CEP290: variants seen among roughly 807,000 people sequenced by gnomAD.
The protein encoded by CEP290 is centrosomal protein 290.
CEP290 carries 317 observed loss-of-function variants against 344.9 expected under a neutral mutation model. The observed-to-expected ratio is 0.92, with a 90% CI of 0.84 to 1.01. CEP290 has a LOEUF of 1.01. CEP290 is among the 50% of genes least tolerant of loss of function. The pLI is 0.00. For synonymous variants in CEP290, 932 were observed against 895.8 expected, an observed-to-expected ratio of 1.04 and a Z score of -0.72; for missense variants, 2,754 against 2,761.4, an observed-to-expected ratio of 1.00 and a Z score of 0.06.
intron 36 of CEP290, 80 bp from the exon 37 acceptor site, chr12:88,083,310 A>C: frequency 1.4e-6 from 1 of 734,614 alleles, no homozygotes; most frequent in Non-Finnish European, 2.0e-6. Flanking sequence ...TTGGTTCCTC[A>C]AATGATCAAA....
chr12:88,111,061 GA>G, intron 22 of CEP290, 140 bp downstream of exon 22: 1 of 442,306 alleles, frequency 2.3e-6, no homozygotes, highest in Non-Finnish European at 3.9e-6. Context: ...TAAATATTGA[GA>G]AAAGTACTAT....
intron 34 of CEP290, among the ~76,000 whole-genome samples, chr12:88,085,274 C>G (rs1417522313): frequency 6.6e-6 from 1 of 151,894 alleles, no homozygotes; most frequent in Non-Finnish European, 1.5e-5. Flanking sequence ...AGAGGCCCAA[C>G]TCAATAAATT....
chr12:88,084,794 T>C lies in CEP290; in HGVS notation c.4496A>G (p.Asp1499Gly). ...RLAEQNILSR[D>G]KVINELRLRL... ...AAGCCTCAGTTCATTGATTACTTTGTCTCTTGACAGTATATTTTGTTCTGC... is the reference window on the plus strand; with the variant it reads ...AAGCCTCAGTTCATTGATTACTTTGCCTCTTGACAGTATATTTTGTTCTGC... Residue 1499 changes from aspartate to glycine, a missense_variant, in exon 35 of 54, where the codon GAC becomes GGC. Coordinates refer to ENST00000552810, the MANE Select transcript of CEP290 (RefSeq NM_025114.4). 2 of 1,612,140 alleles carry C rather than the reference T, an allele frequency of 1.2e-6. No individual in the cohort carries two copies. The highest frequency in any genetic ancestry group is 1.7e-6 in the Non-Finnish European group (2 of 1,179,136).
In CEP290 at chr12:88,121,151, G is replaced by C. The variant is rs2137920983; in HGVS notation, c.1205C>G (p.Ser402Cys). 6.2e-7 allele frequency: 1 copy of C among 1,612,354 alleles called. No homozygotes were observed. The highest frequency in any genetic ancestry group is 1.7e-4 in the Middle Eastern group (1 of 6,058). Residue 402 changes from serine (S) to cysteine (C), a missense_variant, in exon 14 of 54, where the codon TCT (serine) becomes TGT (cysteine). Physicochemically the swap from Ser to Cys is moderately radical, Grantham distance 112 (BLOSUM62 -1). Transcript: ENST00000552810. ...LQRNKGASTLSQQTHMKIQST... is the reference protein window; with the variant it reads ...LQRNKGASTLCQQTHMKIQST... The stretch of plus-strand genomic sequence containing the variant: ...CTGAATTTTCATATGAGTCTGTTGA[G>C]AAAGGGTTGAAGCACCTACAGAGTA...
Position 88,077,266 on chromosome 12 carries a change from C to G in CEP290, c.5665G>C (p.Glu1889Gln), listed in dbSNP as rs186330724. 13 of 1,605,774 alleles carry G rather than the reference C, an allele frequency of 8.1e-6. No individual in the cohort carries two copies. The Admixed American group carries it at 2.2e-4, about 27-fold the overall frequency. Residue 1889 changes from glutamate to glutamine, a missense_variant, in exon 41 of 54, where the codon GAG becomes CAG. Physicochemically the swap from Glu to Gln is conservative, Grantham distance 29. Transcript: ENST00000552810. ...AGGTCTACTTCCTCCACCTTTCCCT[C>G]TAATTGGTTCTCTAGTTTTTTAACT... ...RKVKKLENQL[E>Q]GKVEEVDLKP...
In CEP290 at chr12:88,083,230, C is replaced by T; in HGVS notation, c.4813G>A (p.Asp1605Asn). The T allele has an allele frequency of 3.5e-6, 5 of 1,447,124 alleles. No homozygotes were observed. Among genetic ancestry groups the T allele is most frequent in the Non-Finnish European group, 4.6e-6 (5 of 1,098,824 alleles). The allele number at this position is 1,447,124 out of a possible 1,614,324, so 89.6% of individuals were successfully genotyped here. The stretch of plus-strand genomic sequence containing the variant: ...GGAGTGGGAGACTGTTTCATTAAAT[C>T]CTATAAAATATGAATATATTAGCAA... ...SLNKFKQTAW[D>N]LMKQSPTPVP... Residue 1605 changes from aspartate to asparagine, a missense_variant and splice_region_variant, in exon 37 of 54, where the codon GAT (aspartate) becomes AAT (asparagine). Coordinates refer to ENST00000552810, the MANE Select transcript of CEP290 (RefSeq NM_025114.4).
At chr12:88,108,616 A>G (rs984973620) in intron 23 of CEP290, among the ~76,000 whole-genome samples, 3 of 152,244 alleles carry the variant, frequency 2.0e-5, no homozygotes, top group African/African-American at 7.2e-5. Flanking sequence ...ATAAACATAT[A>G]TGAACAATGA....
intron 29 of CEP290, among the ~76,000 whole-genome samples, chr12:88,092,476 T>A (rs1164128141): frequency 6.6e-6 from 1 of 152,168 alleles, no homozygotes; most frequent in Non-Finnish European, 1.5e-5. Context: ...TCTTGAGAGG[T>A]CACTTCCTCT....
At chr12:88,069,068 A>ATT (rs2035167634) in intron 43 of CEP290, among the ~76,000 whole-genome samples, 2 of 152,178 alleles carry the variant, frequency 1.3e-5, no homozygotes, top group Non-Finnish European at 2.9e-5. Context: ...TCAGATAATA[A>ATT]TTTAACACTT....
chr12:88,071,409 T>G lies in CEP290; in HGVS notation c.5896A>C (p.Thr1966Pro). Residue 1966 changes from threonine (T) to proline (P), a missense_variant, in exon 43 of 54, where the codon ACA (threonine) becomes CCA (proline). Transcript: ENST00000552810. ...EKLTLQRKLK[T>P]TGMTVDQVLG... is the part of the protein sequence containing the mutation. ...ACCTGATCAACAGTCATGCCAGTTG[T>G]TTTTAGTTTCCTCTGCAAAGTAAGT... 1 of 1,611,078 alleles carries G rather than the reference T, an allele frequency of 6.2e-7. No individual in the cohort carries two copies. Among genetic ancestry groups the G allele is most frequent in the Non-Finnish European group, 8.5e-7 (1 of 1,178,790 alleles).
chr12:88,067,267 G>A (rs1018140726), intron 44 of CEP290, among the ~76,000 whole-genome samples: 1 of 150,818 alleles, frequency 6.6e-6, no homozygotes, highest in Non-Finnish European at 1.5e-5. Context: ...ATTTTTGTAG[G>A]AACTAATCAA....
At chr12:88,133,360 T>C (rs2040189688) in intron 6 of CEP290, among the ~76,000 whole-genome samples, 1 of 152,184 alleles carries the variant, frequency 6.6e-6, no homozygotes, top group Admixed American at 6.5e-5. Flanking sequence ...GTGCTGGGAC[T>C]GTAGGCATGA....
At chr12:88,067,084 C>T (rs1007582332) in intron 44 of CEP290, among the ~76,000 whole-genome samples, 7 of 152,028 alleles carry the variant, frequency 4.6e-5, no homozygotes, top group Non-Finnish European at 1.0e-4. Context: ...TGATATAATT[C>T]GCTGTAGTGA....
chr12:88,110,782 G>A (rs1421752200), intron 22 of CEP290, among the ~76,000 whole-genome samples: 1 of 152,116 alleles, frequency 6.6e-6, no homozygotes. Context: ...AGCCTTGACA[G>A]ACTTTATTCT....
At chr12:88,085,640 T>A (rs1296209869) in intron 34 of CEP290, among the ~76,000 whole-genome samples, 1 of 152,150 alleles carries the variant, frequency 6.6e-6, no homozygotes, top group East Asian at 1.9e-4. Flanking sequence ...AAGTAATTTC[T>A]AATTTACCTT....
intron 44 of CEP290, among the ~76,000 whole-genome samples, chr12:88,066,874 C>T (rs944743761): frequency 1.3e-5 from 2 of 152,080 alleles, no homozygotes; most frequent in Non-Finnish European, 2.9e-5. Flanking sequence ...AAGCAATCTT[C>T]CTGCCCCTGC....
At position 88,071,451 on chromosome 12, in the gene CEP290, T is replaced by C; in HGVS notation, c.5856-2A>G. ...AAAGTAAGTTTCTCTTTATCGGCTC[T>C]GTGGAATTTAATATAGAATCATGAA... On this transcript the variant is annotated splice_acceptor_variant, in intron 42 of 53. Transcript: ENST00000552810. LOFTEE classifies it high-confidence loss of function. The C allele has an allele frequency of 1.3e-6, 2 of 1,595,306 alleles. No homozygotes were observed. Among genetic ancestry groups the C allele is most frequent in the Non-Finnish European group, 1.7e-6 (2 of 1,174,710 alleles).
chr12:88,068,279 T>C (rs908907919), intron 44 of CEP290, among the ~76,000 whole-genome samples: 1 of 152,100 alleles, frequency 6.6e-6, no homozygotes, highest in Non-Finnish European at 1.5e-5. Context: ...TATTTAAAAT[T>C]TCTAGAAATC....
Position 88,050,378 on chromosome 12 carries a change from T to C in CEP290, c.7185A>G (p.Ser2395=). The change falls in exon 53 of 54, where the codon TCA becomes TCG. Residue 2395 remains serine (S), a synonymous_variant. Transcript: ENST00000552810. ...IKDLETQLKM[S]DLEKQHLKEE... Reference sequence around the variant, plus strand: ...CCTTCAAATGCTGCTTTTCTAGATCTGACATTTTGAGCTGTGTCTCTAGAT... The same window carrying C: ...CCTTCAAATGCTGCTTTTCTAGATCCGACATTTTGAGCTGTGTCTCTAGAT... 1 of 1,552,610 alleles carries C rather than the reference T, an allele frequency of 6.4e-7. No individual in the cohort carries two copies. Among genetic ancestry groups the C allele is most frequent in the Non-Finnish European group, 8.8e-7 (1 of 1,133,674 alleles).
Sources: allele counts gnomAD v4.1 joint callset (sites outside exome capture counted in the v4.1 genomes callset), GRCh38; gene constraint gnomAD v4.1.1; transcripts MANE v1.5; gene names NCBI Gene and HGNC (gene_info 2026-07-23, HGNC 2026-07-21).